CACNB1: variants seen among roughly 807,000 people sequenced by gnomAD.
CACNB1 encodes voltage-dependent L-type calcium channel subunit beta-1.
CACNB1 carries 29 observed loss-of-function variants against 71.6 expected under a neutral mutation model. The observed-to-expected ratio is 0.40, with a 90% CI of 0.30 to 0.55. The LOEUF is 0.55. Ranked by LOEUF, CACNB1 falls within the 20% of genes least tolerant of loss-of-function variation. The pLI, the probability that CACNB1 is intolerant of heterozygous loss-of-function variation, is 0.38. For missense variants in CACNB1, 623 were observed against 801.8 expected (o/e 0.78, Z 2.69); for synonymous variants, 300 against 319.6 (o/e 0.94, Z 0.65).
intron 11 of CACNB1, among the ~76,000 whole-genome samples, chr17:39,180,076 C>T (rs768632830): frequency 6.6e-6 from 1 of 151,752 alleles, no homozygotes; most frequent in Non-Finnish European, 1.5e-5. Flanking sequence ...ACCAGCCAGG[C>T]CAACATGGCA....
Position 39,188,750 on chromosome 17 carries a change from T to C in CACNB1, c.292-1149A>G, listed in dbSNP as rs73304975. 4.9e-3 allele frequency among the ~76,000 whole-genome samples: 733 copies of C among 150,650 alleles called. 5 individuals are homozygous for C. Among genetic ancestry groups the C allele is most frequent in the African/African-American group, 0.017 (713 of 41,020 alleles). ...CCACAATGATACCCAGAAAAAATAATAATAATAGCAGGCCGGGCACGGTGG... is the reference window on the plus strand; with the variant it reads ...CCACAATGATACCCAGAAAAAATAACAATAATAGCAGGCCGGGCACGGTGG... On this transcript the variant is annotated intron_variant, in intron 3 of 13. Coordinates refer to ENST00000394303, the MANE Select transcript of CACNB1 (RefSeq NM_000723.5).
At position 39,186,151 on chromosome 17, in the gene CACNB1, A is replaced by G; in HGVS notation, c.628+345T>C. ...GAGGGAGGAGGGAGGCGAGGTGGGGAGAAGGAGTGAGATGAACGTGGAGAC... is the reference window on the plus strand; with the variant it reads ...GAGGGAGGAGGGAGGCGAGGTGGGGGGAAGGAGTGAGATGAACGTGGAGAC... On this transcript the variant is annotated intron_variant, in intron 6 of 13. Transcript: ENST00000394303. The surrounding 1 kb of genome is among the most constrained non-coding windows in gnomAD (Gnocchi z 4.1). 6.5e-7 allele frequency: 1 copy of G among 1,529,154 alleles called. No individual in the cohort carries two copies. The highest frequency in any genetic ancestry group is 9.0e-7 in the Non-Finnish European group (1 of 1,106,954). 94.7% of individuals were successfully genotyped at this position (1,529,154 alleles called of 1,614,324 possible).
Position 39,174,742 on chromosome 17 carries a change from T to G in CACNB1, c.*451A>C, listed in dbSNP as rs600086. 12,660 of 158,272 alleles carry G rather than the reference T, an allele frequency of 0.08. 650 individuals are homozygous for G. Among genetic ancestry groups the G allele is most frequent in the East Asian group, 0.12 (646 of 5,342 alleles). The allele number at this position is 158,272 out of a possible 1,614,324, so 9.8% of individuals were successfully genotyped here. A position where few individuals can be genotyped will look rare whatever the true frequency, so the allele number is the denominator to read the frequency against. Reference sequence around the variant, plus strand: ...GGTGAGGGACCTTGGATCTGGGGTCTGGGGAAGAGAGCCCCCATGGGAAAG... The same window carrying G: ...GGTGAGGGACCTTGGATCTGGGGTCGGGGGAAGAGAGCCCCCATGGGAAAG... On this transcript the variant is annotated 3_prime_UTR_variant, in exon 14 of 14. Transcript: ENST00000394303.
chr17:39,184,582 G>C (rs1474475232), intron 8 of CACNB1, among the ~76,000 whole-genome samples, 199 bp from the exon 9 acceptor site: 1 of 152,104 alleles, frequency 6.6e-6, no homozygotes, highest in East Asian at 1.9e-4. Flanking sequence ...ATCTCTGGGA[G>C]GGCTCTTCTG....
intron 1 of CACNB1, among the ~76,000 whole-genome samples, chr17:39,196,327 C>T (rs1384707224): frequency 2.0e-5 from 3 of 152,104 alleles, no homozygotes; most frequent in East Asian, 1.9e-4. Flanking sequence ...GAATCCCAGA[C>T]ACCACCCTCC....
chr17:39,195,181 G>C (rs1287806647), intron 1 of CACNB1: 14 of 536,020 alleles, frequency 2.6e-5, no homozygotes, highest in Non-Finnish European at 3.6e-5. Flanking sequence ...CCAGGAGTGG[G>C]GACCAGTGCA....
At chr17:39,191,261 A>G (rs894132651) in intron 3 of CACNB1, among the ~76,000 whole-genome samples, 8 of 150,146 alleles carry the variant, frequency 5.3e-5, no homozygotes, top group African/African-American at 1.9e-4. Context: ...GTGTGGAAAC[A>G]GTATAATAAC....
intron 1 of CACNB1, among the ~76,000 whole-genome samples, chr17:39,196,137 A>G (rs937545049): frequency 5.3e-5 from 8 of 152,166 alleles, no homozygotes; most frequent in African/African-American, 1.7e-4. Flanking sequence ...TGGAGGGGCC[A>G]TGACCAGACT....
chr17:39,191,199 A>C (rs1405008211), intron 3 of CACNB1, among the ~76,000 whole-genome samples: 3 of 152,100 alleles, frequency 2.0e-5, no homozygotes, highest in Non-Finnish European at 4.4e-5. Context: ...GCAAGACTGC[A>C]ACTCAAAAAA....
At chr17:39,185,322 C>T (rs1011954764) in intron 6 of CACNB1, among the ~76,000 whole-genome samples, 172 bp from the exon 7 acceptor site, 10 of 152,118 alleles carry the variant, frequency 6.6e-5, no homozygotes, top group African/African-American at 2.2e-4. Flanking sequence ...AGACGGGGAA[C>T]GGGACCCCAC....
chr17:39,178,385 G>GTT (rs75009744), intron 11 of CACNB1: 95 of 168,926 alleles, frequency 5.6e-4, no homozygotes, highest in South Asian at 1.8e-3. Context: ...CTTTTTTTTT[G>GTT]TTTTTTTTTT....
Position 39,197,496 on chromosome 17 carries a change from G to T in CACNB1, c.-1C>A. Reference sequence around the variant, plus strand: ...GGGACATGCTGGTCTTCTGGACCATGGAGAGGAGCCTCCCCTCCCGCCGCC... The same window carrying T: ...GGGACATGCTGGTCTTCTGGACCATTGAGAGGAGCCTCCCCTCCCGCCGCC... On this transcript the variant is annotated 5_prime_UTR_variant, in exon 1 of 14. Transcript: ENST00000394303. The T allele has an allele frequency of 6.7e-7, 1 of 1,493,744 alleles. No individual in the cohort carries two copies. The allele number at this position is 1,493,744 out of a possible 1,614,324, so 92.5% of individuals were successfully genotyped here. A position where few individuals can be genotyped will look rare whatever the true frequency, so the allele number is the denominator to read the frequency against.
rs755614793 is a variant in CACNB1, at chr17:39,194,935, C to T, written c.120G>A (p.Arg40=). ...TATCCGAGGACGTGCTCCCATCTGA[C>T]CGTTTGAATCGCCCTTTCCTCTTGC... ...KYSKRKGRFK[R]SDGSTSSDTT... Residue 40 remains arginine, a synonymous_variant, in exon 2 of 14, where the codon CGG becomes CGA. Transcript: ENST00000394303. This position sits in a 1 kb window ranked among gnomAD's most constrained non-coding sequence, Gnocchi z 4.6. The T allele has an allele frequency of 1.9e-6, 3 of 1,613,412 alleles. No homozygotes were observed. Among genetic ancestry groups the T allele is most frequent in the African/African-American group, 1.3e-5 (1 of 74,876 alleles).
chr17:39,182,165 G>GA (rs755387191), intron 11 of CACNB1, among the ~76,000 whole-genome samples: 127 of 98,100 alleles, frequency 1.3e-3, no homozygotes, highest in Middle Eastern at 0.014. Context: ...TTCTCAAAAA[G>GA]AAAAAAAAAA....
chr17:39,184,781 T>C lies in CACNB1; in HGVS notation c.729+3A>G. ...GCATCCACTCCCCTCTAGGAAGTCC[T>C]ACCTCGTAGCCCTTGAGCGACGGTC... On this transcript the variant is annotated splice_donor_region_variant and intron_variant, in intron 8 of 13. Coordinates refer to ENST00000394303, the MANE Select transcript of CACNB1 (RefSeq NM_000723.5). 6.2e-7 allele frequency: 1 copy of C among 1,601,778 alleles called. No individual in the cohort carries two copies. The highest frequency in any genetic ancestry group is 2.2e-5 in the East Asian group (1 of 44,556).
intron 4 of CACNB1, 200 bp downstream of exon 4, chr17:39,187,279 C>T: frequency 3.0e-6 from 2 of 661,284 alleles, no homozygotes; most frequent in South Asian, 1.9e-5. Context: ...AACAAACCCT[C>T]CCAACAACCT....
At chr17:39,183,333 A>AG (rs2045828838) in intron 11 of CACNB1, among the ~76,000 whole-genome samples, 1 of 148,484 alleles carries the variant, frequency 6.7e-6, no homozygotes, top group Non-Finnish European at 1.5e-5. Flanking sequence ...TCCTGACTTA[A>AG]AAAAAAGAAG....
At chr17:39,196,383 A>G (rs1300075332) in intron 1 of CACNB1, among the ~76,000 whole-genome samples, 2 of 152,130 alleles carry the variant, frequency 1.3e-5, no homozygotes, top group Admixed American at 1.3e-4. Flanking sequence ...TCAGAGGGAC[A>G]GGGGACAGCT....
At position 39,174,536 on chromosome 17, in the gene CACNB1, G is replaced by C. The variant is rs576286949; in HGVS notation, c.*657C>G. 6.5e-6 allele frequency: 1 copy of C among 152,684 alleles called. No individual in the cohort carries two copies. Among genetic ancestry groups the C allele is most frequent in the East Asian group, 1.9e-4 (1 of 5,210 alleles). 9.5% of individuals were successfully genotyped at this position (152,684 alleles called of 1,614,324 possible). A position where few individuals can be genotyped will look rare whatever the true frequency, so the allele number is the denominator to read the frequency against. Reference sequence around the variant, plus strand: ...GGGGGTGGGGAGCAGCGTCTCGGCCGCTCACTCCTCAGGGTTCTGGGCCCT... The same window carrying C: ...GGGGGTGGGGAGCAGCGTCTCGGCCCCTCACTCCTCAGGGTTCTGGGCCCT... On this transcript the variant is annotated 3_prime_UTR_variant, in exon 14 of 14. Coordinates refer to ENST00000394303, the MANE Select transcript of CACNB1 (RefSeq NM_000723.5).
Sources: allele counts gnomAD v4.1 joint callset (sites outside exome capture counted in the v4.1 genomes callset), GRCh38; gene constraint gnomAD v4.1.1; non-coding constraint Gnocchi (gnomAD v3.1); transcripts MANE v1.5; gene names NCBI Gene and HGNC (gene_info 2026-07-23, HGNC 2026-07-21).